SNTG1: variants seen among roughly 807,000 people sequenced by gnomAD.
SNTG1 encodes the protein syntrophin gamma 1.
A neutral mutation model predicts 74.7 loss-of-function variants in SNTG1; 39 were observed. That is an observed-to-expected ratio of 0.52 (90% CI 0.40 to 0.68). The LOEUF is 0.68. Among genes scored for constraint, SNTG1 ranks in the 30% least tolerant of loss-of-function variants. SNTG1 has a pLI of 0.00. For synonymous variants in SNTG1, 254 were observed against 217.1 expected (o/e 1.17, Z -1.49); for missense variants, 685 against 609.5 (o/e 1.12, Z -1.30).
intron 3 of SNTG1, among the ~76,000 whole-genome samples, 187 bp downstream of exon 3, chr8:50,394,452 T>C (rs1329075508): frequency 6.6e-6 from 1 of 152,214 alleles, no homozygotes; most frequent in African/African-American, 2.4e-5. Flanking sequence ...ATGGAAAGCC[T>C]TGGACTTTAA....
In SNTG1 at chr8:50,567,737, GTACATTT is replaced by G; in HGVS notation, c.810+14561_810+14567del. Among the ~76,000 whole-genome samples the G allele has an allele frequency of 2.6e-5, 4 of 152,024 alleles. No homozygotes were observed. The East Asian group carries it at 5.8e-4, about 22-fold the overall frequency. On this transcript the variant is annotated intron_variant, in intron 12 of 18. Transcript: ENST00000642720. ...AATGGATAATGAACTCATTACAATT[GTACATTT>G]TAATGGGGTACATTGTGATGTGCCA...
intron 13 of SNTG1, among the ~76,000 whole-genome samples, chr8:50,636,196 A>G (rs562189646): frequency 6.6e-6 from 1 of 150,378 alleles, no homozygotes; most frequent in African/African-American, 2.4e-5. Context: ...TCCTCTCCTC[A>G]AGCAGAAGAA....
chr8:50,090,899 A>G (rs80033975), intron 1 of SNTG1, among the ~76,000 whole-genome samples: 9,023 of 152,222 alleles, frequency 0.059, 392 homozygotes, highest in Non-Finnish European at 0.092. Context: ...AATTAAGGCC[A>G]CAATGGGGCC....
At chr8:50,565,565 T>G (rs1156768153) in intron 12 of SNTG1, among the ~76,000 whole-genome samples, 4 of 152,086 alleles carry the variant, frequency 2.6e-5, no homozygotes, top group Non-Finnish European at 4.4e-5. Context: ...TGTGAGATGC[T>G]TATCAGCTTC....
intron 18 of SNTG1, among the ~76,000 whole-genome samples, chr8:50,780,675 T>G (rs923418166): frequency 3.0e-4 from 46 of 152,234 alleles, no homozygotes; most frequent in African/African-American, 8.9e-4. Flanking sequence ...CTTTAATTTT[T>G]TGAAGGCTTT....
intron 1 of SNTG1, among the ~76,000 whole-genome samples, chr8:50,063,450 A>T (rs1820643997): frequency 6.6e-6 from 1 of 152,218 alleles, no homozygotes; most frequent in South Asian, 2.1e-4. Flanking sequence ...TCAAGTGTTA[A>T]ATGTCATCAG....
At chr8:50,651,742 C>A (rs1209170816) in intron 13 of SNTG1, among the ~76,000 whole-genome samples, 1 of 151,664 alleles carries the variant, frequency 6.6e-6, no homozygotes, top group Non-Finnish European at 1.5e-5. Context: ...CAGGTATAAA[C>A]CACCTCACCT....
At chr8:50,697,629 G>A (rs2095409754) in intron 15 of SNTG1, among the ~76,000 whole-genome samples, 3 of 151,964 alleles carry the variant, frequency 2.0e-5, no homozygotes, top group African/African-American at 7.2e-5. Context: ...AGGGTTTTGA[G>A]CTTGTGCTCT....
chr8:50,710,805 A>G (rs2095459465), intron 17 of SNTG1, among the ~76,000 whole-genome samples: 1 of 152,184 alleles, frequency 6.6e-6, no homozygotes, highest in Non-Finnish European at 1.5e-5. Flanking sequence ...TGCCATCCAG[A>G]GAAAACAGTT....
Position 49,918,226 on chromosome 8 carries a change from A to T in SNTG1, c.-103+5995A>T, listed in dbSNP as rs1475780179. ...ATAATGAGTGGCTGAGATAAAATAG[A>T]TACTTCATGTTTTTGAATGGGCAAA... is the stretch of plus-strand genomic sequence containing the variant. On this transcript the variant is annotated intron_variant, in intron 1 of 18. Transcript: ENST00000642720. Among the ~76,000 whole-genome samples, 4 of 152,210 alleles carry T rather than the reference A, an allele frequency of 2.6e-5. No homozygotes were observed. In the South Asian group the frequency reaches 8.3e-4, roughly 31 times the overall value.
At chr8:50,500,129 A>G (rs1585476209) in intron 8 of SNTG1, among the ~76,000 whole-genome samples, 1 of 151,756 alleles carries the variant, frequency 6.6e-6, no homozygotes, top group Admixed American at 6.6e-5. Context: ...CAGACATTAT[A>G]TGTTTAAATA....
intron 1 of SNTG1, among the ~76,000 whole-genome samples, chr8:50,040,252 G>T (rs927039633): frequency 6.6e-6 from 1 of 151,962 alleles, no homozygotes; most frequent in Non-Finnish European, 1.5e-5. Flanking sequence ...AGAAATATTT[G>T]CACCACACAC....
intron 13 of SNTG1, among the ~76,000 whole-genome samples, chr8:50,631,584 C>A (rs965529133): frequency 6.6e-6 from 1 of 152,094 alleles, no homozygotes; most frequent in Admixed American, 6.5e-5. Flanking sequence ...TAGGCAAATT[C>A]GAGAAGGATA....
chr8:50,516,351 A>G (rs1038459184), intron 9 of SNTG1, among the ~76,000 whole-genome samples: 2 of 152,226 alleles, frequency 1.3e-5, no homozygotes, highest in African/African-American at 2.4e-5. Flanking sequence ...ACCAGCACAC[A>G]AAGTCTGAAA....
intron 2 of SNTG1, among the ~76,000 whole-genome samples, chr8:50,218,511 C>A (rs985390584): frequency 6.6e-6 from 1 of 151,766 alleles, no homozygotes; most frequent in African/African-American, 2.4e-5. Flanking sequence ...TAAAGGCATA[C>A]AAACTTATAA....
chr8:50,709,225 G>A (rs2095454530), intron 17 of SNTG1: 1 of 443,990 alleles, frequency 2.3e-6, no homozygotes, highest in Admixed American at 3.9e-5. Context: ...ATCTATGTAT[G>A]TATCTATCTA....
At chr8:49,991,549 G>A (rs1180020466) in intron 1 of SNTG1, among the ~76,000 whole-genome samples, 1 of 152,064 alleles carries the variant, frequency 6.6e-6, no homozygotes, top group East Asian at 1.9e-4. Context: ...AACTGATAAA[G>A]AGATAAACAA....
At chr8:49,922,453 A>G (rs1435179440) in intron 1 of SNTG1, among the ~76,000 whole-genome samples, 3 of 152,116 alleles carry the variant, frequency 2.0e-5, no homozygotes, top group Non-Finnish European at 4.4e-5. Flanking sequence ...CTCACCACTG[A>G]TGAGGGCAGA....
At chr8:50,259,044 A>G (rs984440823) in intron 2 of SNTG1, among the ~76,000 whole-genome samples, 1 of 152,220 alleles carries the variant, frequency 6.6e-6, no homozygotes, top group Non-Finnish European at 1.5e-5. Context: ...TCGTAAAAAG[A>G]TTAAGATACA....
Sources: allele counts gnomAD v4.1 joint callset (sites outside exome capture counted in the v4.1 genomes callset), GRCh38; gene constraint gnomAD v4.1.1; transcripts MANE v1.5; gene names NCBI Gene and HGNC (gene_info 2026-07-23, HGNC 2026-07-21).